The following CERS6 variants were observed in gnomAD, a reference collection of about 807,000 sequenced individuals.
CERS6 encodes LAG1 homolog, ceramide synthase 6.
Under a neutral mutation model 56.8 loss-of-function variants are expected in CERS6, and 26 were observed. The ratio of observed to expected loss-of-function variants is 0.46; its 90% CI spans 0.34 to 0.63. CERS6 has a LOEUF of 0.63. Among genes scored for constraint, CERS6 ranks in the 30% least tolerant of loss-of-function variants. CERS6 has a pLI of 0.01. For synonymous variants in CERS6, 164 were observed against 173.3 expected (o/e 0.95, Z 0.42); for missense variants, 415 against 467.5 (o/e 0.89, Z 1.04).
chr2:168,513,355 C>T (rs546075317), intron 1 of CERS6, among the ~76,000 whole-genome samples: 1 of 152,120 alleles, frequency 6.6e-6, no homozygotes, highest in Non-Finnish European at 1.5e-5. Context: ...TACCAGATGT[C>T]TTTTTTTCTG....
intron 4 of CERS6, among the ~76,000 whole-genome samples, chr2:168,670,973 C>G (rs529240287): frequency 3.0e-5 from 2 of 65,728 alleles, no homozygotes; most frequent in African/African-American, 7.0e-5. Context: ...GCTTCCCCCC[C>G]CCCCCCCAGA....
intron 4 of CERS6, among the ~76,000 whole-genome samples, chr2:168,641,450 C>T (rs551472569): frequency 4.5e-4 from 69 of 152,224 alleles, no homozygotes; most frequent in African/African-American, 1.4e-3. Context: ...TTCCCACTGC[C>T]CCACATATTC....
At chr2:168,526,011 A>G (rs953474505) in intron 1 of CERS6, among the ~76,000 whole-genome samples, 5 of 152,316 alleles carry the variant, frequency 3.3e-5, no homozygotes, top group South Asian at 2.1e-4. Context: ...ATGTCCACTC[A>G]GTGTGCTTTC....
intron 1 of CERS6, among the ~76,000 whole-genome samples, chr2:168,490,323 G>A: frequency 6.6e-6 from 1 of 152,076 alleles, no homozygotes; most frequent in East Asian, 1.9e-4. Flanking sequence ...AGGTTCCTGT[G>A]GTCATAAAGA....
At chr2:168,645,173 AGAGAGAGAGAGAGAGAGT>A (rs1425164560) in intron 4 of CERS6, among the ~76,000 whole-genome samples, 15 of 129,254 alleles carry the variant, frequency 1.2e-4, no homozygotes, top group African/African-American at 2.9e-4. Flanking sequence ...AGAGAGAGAG[AGAGAGAGAGAGAGAGAGT>A]AACTTCTAAA....
chr2:168,680,610 G>A (rs1205424675), intron 4 of CERS6, among the ~76,000 whole-genome samples: 1 of 151,186 alleles, frequency 6.6e-6, no homozygotes, highest in East Asian at 2.0e-4. Flanking sequence ...CAGAGTTCAG[G>A]TGTTGCCACA....
intron 4 of CERS6, chr2:168,644,334 T>C: frequency 1.0e-6 from 1 of 985,098 alleles, no homozygotes; most frequent in Non-Finnish European, 1.2e-6. Context: ...AAGTCTGGAA[T>C]GTGGGAAGAG....
rs549227124 is a variant in CERS6 at position 168,681,389 on chromosome 2, A to G, written c.466-9645A>G. 3.1e-4 allele frequency among the ~76,000 whole-genome samples: 47 copies of G among 152,328 alleles called. No homozygotes were observed. In the South Asian group the frequency reaches 9.3e-3, roughly 30 times the overall value. The stretch of plus-strand genomic sequence containing the variant: ...GCTATATCCTGTGCTATTAATTTCA[A>G]GTTAATTAGAATTATTGAATAATTT... On this transcript the variant is annotated intron_variant, in intron 4 of 9. Transcript: ENST00000305747.
intron 6 of CERS6, 134 bp downstream of exon 6, chr2:168,695,185 T>A: frequency 1.6e-6 from 1 of 644,304 alleles, no homozygotes; most frequent in Non-Finnish European, 2.7e-6. Flanking sequence ...GCTGCGTTAT[T>A]ACAGAAAGTT....
At chr2:168,739,866 C>T (rs1337248072) in intron 8 of CERS6, among the ~76,000 whole-genome samples, 1 of 151,896 alleles carries the variant, frequency 6.6e-6, no homozygotes, top group African/African-American at 2.4e-5. Context: ...GGATTACAGG[C>T]GCACACCTAA....
chr2:168,765,416 AG>A (rs1684703698), intron 8 of CERS6, among the ~76,000 whole-genome samples, 175 bp from the exon 9 acceptor site: 2 of 152,376 alleles, frequency 1.3e-5, no homozygotes, highest in African/African-American at 4.8e-5. Flanking sequence ...TCACACCATC[AG>A]GGTAATTCTT....
intron 3 of CERS6, among the ~76,000 whole-genome samples, chr2:168,610,484 A>G (rs1421991021): frequency 6.6e-6 from 1 of 152,218 alleles, no homozygotes; most frequent in East Asian, 1.9e-4. Flanking sequence ...AGTTGTTAGC[A>G]TAATAACAAA....
chr2:168,654,814 C>T (rs1276894454), intron 4 of CERS6, among the ~76,000 whole-genome samples: 1 of 152,170 alleles, frequency 6.6e-6, no homozygotes, highest in Admixed American at 6.5e-5. Flanking sequence ...TTAACTTTTA[C>T]AACAAGGCAA....
intron 8 of CERS6, among the ~76,000 whole-genome samples, chr2:168,762,484 T>C (rs1173494812): frequency 6.6e-6 from 1 of 152,138 alleles, no homozygotes; most frequent in Non-Finnish European, 1.5e-5. Context: ...TCATACTAAG[T>C]CCTTTGTATT....
chr2:168,468,213 CA>C (rs1206628268), intron 1 of CERS6, among the ~76,000 whole-genome samples: 1 of 152,184 alleles, frequency 6.6e-6, no homozygotes, highest in East Asian at 1.9e-4. Flanking sequence ...GAGAGACCCC[CA>C]TCCCCAAAGA....
At chr2:168,733,143 C>G (rs1339112703) in intron 8 of CERS6, among the ~76,000 whole-genome samples, 1 of 152,096 alleles carries the variant, frequency 6.6e-6, no homozygotes, top group African/African-American at 2.4e-5. Flanking sequence ...ACATGTTTAT[C>G]ACATAAATAA....
chr2:168,506,776 G>A (rs1214581320), intron 1 of CERS6, among the ~76,000 whole-genome samples: 1 of 152,094 alleles, frequency 6.6e-6, no homozygotes, highest in East Asian at 1.9e-4. Flanking sequence ...AAGGAGATTT[G>A]TAGCAATTAG....
intron 8 of CERS6, among the ~76,000 whole-genome samples, chr2:168,760,766 A>ATTTTATTTTTTT (rs1553517053): frequency 3.9e-5 from 5 of 127,240 alleles, no homozygotes; most frequent in African/African-American, 1.3e-4. Flanking sequence ...TTATTTATTT[A>ATTTTATTTTTTT]TTTTTTTGAG....
chr2:168,516,645 G>A (rs747395522), intron 1 of CERS6, among the ~76,000 whole-genome samples: 8 of 152,112 alleles, frequency 5.3e-5, no homozygotes, highest in African/African-American at 9.7e-5. Flanking sequence ...TTGGCGGAGC[G>A]GCTAGCCCAG....
Sources: gnomAD v4.1 joint callset for allele counts (sites outside exome capture counted in the v4.1 genomes callset) on GRCh38, gnomAD v4.1.1 for gene constraint, MANE v1.5 for transcripts, NCBI Gene and HGNC (gene_info 2026-07-23, HGNC 2026-07-21) for gene names.